The following RBMS3 variants were observed in gnomAD, a reference collection of about 807,000 sequenced individuals.
RBMS3 encodes RNA binding motif single stranded interacting protein 3.
Under a neutral mutation model 66.8 loss-of-function variants are expected in RBMS3, and 27 were observed. The ratio of observed to expected loss-of-function variants is 0.40; its 90% confidence interval spans 0.30 to 0.56. The LOEUF (loss-of-function observed/expected upper bound fraction) is 0.56, where lower values mean the gene tolerates loss of function less well. Ranked by LOEUF, RBMS3 falls within the 20% of genes least tolerant of loss-of-function variation. The pLI is 0.40. For synonymous variants in RBMS3, 188 were observed against 183.0 expected (o/e 1.03, Z -0.22); for missense variants, 513 against 549.5 (o/e 0.93, Z 0.66).
At position 29,295,312 on chromosome 3, in the gene RBMS3, T is replaced by C. The variant is rs371602254; in HGVS notation, c.75+13556T>C. Among the ~76,000 whole-genome samples the C allele has an allele frequency of 5.2e-4, 40 of 77,074 alleles. 2 individuals are homozygous for C. The highest frequency in any genetic ancestry group is 2.0e-3 in the South Asian group (4 of 2,008). 50.6% of individuals were successfully genotyped at this position (77,074 alleles called of 152,430 possible). On this transcript the variant is annotated intron_variant, in intron 1 of 14. Transcript: ENST00000383767. ...ATATATATACATATATATCTATATA[T>C]ATACATATATATATACACACACATA...
chr3:29,526,520 C>CAAAAAAAAAAAAAAAAAA (rs61483868), intron 3 of RBMS3, among the ~76,000 whole-genome samples: 1 of 35,950 alleles, frequency 2.8e-5, no homozygotes, highest in African/African-American at 9.7e-5. Flanking sequence ...GACTCCATCT[C>CAAAAAAAAAAAAAAAAAA]AAAAAAAAAA....
intron 6 of RBMS3, among the ~76,000 whole-genome samples, chr3:29,792,093 G>A (rs1576816975): frequency 6.6e-6 from 1 of 152,026 alleles, no homozygotes; most frequent in East Asian, 1.9e-4. Flanking sequence ...TAGGTGCCTG[G>A]GACCAGAATT....
At chr3:29,453,727 TGGCC>T (rs2042085530) in intron 2 of RBMS3, among the ~76,000 whole-genome samples, 4 of 152,318 alleles carry the variant, frequency 2.6e-5, no homozygotes, top group African/African-American at 9.6e-5. Context: ...GTGGGGGCAC[TGGCC>T]AGAGCATGCT....
intron 10 of RBMS3, among the ~76,000 whole-genome samples, chr3:29,902,417 C>A (rs1426428402): frequency 6.6e-6 from 1 of 151,806 alleles, no homozygotes; most frequent in African/African-American, 2.4e-5. Flanking sequence ...TCATCTATTT[C>A]TACCACATTC....
chr3:29,438,048 C>CTG (rs2041470410), intron 2 of RBMS3, among the ~76,000 whole-genome samples: 1 of 151,854 alleles, frequency 6.6e-6, no homozygotes, highest in South Asian at 2.1e-4. Flanking sequence ...CTCTCTCTCT[C>CTG]TCTCTCTCTC....
At chr3:29,304,734 C>G (rs1575505340) in intron 1 of RBMS3, among the ~76,000 whole-genome samples, 1 of 151,952 alleles carries the variant, frequency 6.6e-6, no homozygotes, top group African/African-American at 2.4e-5. Context: ...GGTTATTCCA[C>G]CGGATATTAC....
chr3:29,645,134 TA>T (rs1178684117), intron 4 of RBMS3, among the ~76,000 whole-genome samples: 1 of 152,188 alleles, frequency 6.6e-6, no homozygotes, highest in Non-Finnish European at 1.5e-5. Flanking sequence ...CAATACAAGT[TA>T]AAATGATTCA....
chr3:29,367,356 A>C (rs1291249214), intron 1 of RBMS3, among the ~76,000 whole-genome samples: 1 of 152,134 alleles, frequency 6.6e-6, no homozygotes, highest in Non-Finnish European at 1.5e-5. Flanking sequence ...GGGATATATT[A>C]AGAAAGCAAC....
intron 1 of RBMS3, among the ~76,000 whole-genome samples, chr3:29,347,376 T>C (rs1242897238): frequency 6.6e-6 from 1 of 152,224 alleles, no homozygotes; most frequent in Non-Finnish European, 1.5e-5. Context: ...ATAGGTTTCA[T>C]TCGTTGCATG....
chr3:29,344,084 C>A (rs1200384209), intron 1 of RBMS3, among the ~76,000 whole-genome samples: 2 of 152,132 alleles, frequency 1.3e-5, no homozygotes, highest in Admixed American at 6.6e-5. Flanking sequence ...CTATATTGAC[C>A]CCAGACAGAA....
intron 6 of RBMS3, among the ~76,000 whole-genome samples, chr3:29,844,949 A>G (rs1384641805): frequency 6.6e-6 from 1 of 152,228 alleles, no homozygotes; most frequent in Non-Finnish European, 1.5e-5. Context: ...AGTTATTCAG[A>G]ATCTTGTGAA....
chr3:29,855,451 CA>C (rs1291677713), intron 6 of RBMS3, among the ~76,000 whole-genome samples: 1 of 152,040 alleles, frequency 6.6e-6, no homozygotes, highest in African/African-American at 2.4e-5. Flanking sequence ...ATGTTCAATA[CA>C]AAATATTTAC....
intron 1 of RBMS3, among the ~76,000 whole-genome samples, chr3:29,308,148 T>G (rs2034129958): frequency 6.6e-6 from 1 of 151,920 alleles, no homozygotes; most frequent in Non-Finnish European, 1.5e-5. Flanking sequence ...GTCAGCAGTA[T>G]GTTTTGCAAT....
At position 29,606,047 on chromosome 3, in the gene RBMS3, C is replaced by T. The variant is rs140385978; in HGVS notation, c.399+18842C>T. On this transcript the variant is annotated intron_variant, in intron 4 of 14. Coordinates refer to ENST00000383767, the MANE Select transcript of RBMS3 (RefSeq NM_001003793.3). The stretch of plus-strand genomic sequence containing the variant: ...ACCATCCTAGCTTTGGTGAAACTCA[C>T]AGTTTACAGTTTGACCTTTCTTAGT... Among the ~76,000 whole-genome samples the T allele has an allele frequency of 1.2e-3, 185 of 150,812 alleles. 2 individuals are homozygous for T. The highest frequency in any genetic ancestry group is 4.3e-3 in the African/African-American group (177 of 41,090).
chr3:29,366,709 G>C (rs1254376923), intron 1 of RBMS3, among the ~76,000 whole-genome samples: 1 of 152,128 alleles, frequency 6.6e-6, no homozygotes, highest in African/African-American at 2.4e-5. Flanking sequence ...AGGGAATGCG[G>C]TATCTCTGGG....
At chr3:29,797,183 T>C (rs551182373) in intron 6 of RBMS3, among the ~76,000 whole-genome samples, 30 of 152,368 alleles carry the variant, frequency 2.0e-4, no homozygotes, top group African/African-American at 7.2e-4. Context: ...TTGTTTAGTG[T>C]AGCCACCTTC....
intron 1 of RBMS3, among the ~76,000 whole-genome samples, chr3:29,359,648 A>G (rs1337758233): frequency 1.3e-5 from 2 of 152,194 alleles, no homozygotes; most frequent in Admixed American, 1.3e-4. Flanking sequence ...TACCTCTGGT[A>G]GAATTCATCT....
chr3:29,986,885 G>A (rs1698426419), intron 12 of RBMS3, among the ~76,000 whole-genome samples: 1 of 152,174 alleles, frequency 6.6e-6, no homozygotes, highest in African/African-American at 2.4e-5. Flanking sequence ...AGAGCTTGCA[G>A]TGAGCCAAGA....
chr3:29,355,964 C>T (rs1203520255), intron 1 of RBMS3, among the ~76,000 whole-genome samples: 3 of 152,214 alleles, frequency 2.0e-5, no homozygotes, highest in East Asian at 3.9e-4. Flanking sequence ...CCCTTGGTAA[C>T]CATTGATAGG....
Sources: gnomAD v4.1 joint callset for allele counts (sites outside exome capture counted in the v4.1 genomes callset) on GRCh38, gnomAD v4.1.1 for gene constraint, MANE v1.5 for transcripts, NCBI Gene and HGNC (gene_info 2026-07-23, HGNC 2026-07-21) for gene names.